PTPRM: variants seen among roughly 807,000 people sequenced by gnomAD.
The protein encoded by PTPRM is protein tyrosine phosphatase receptor type M, also known as receptor-type tyrosine-protein phosphatase mu.
A neutral mutation model predicts 186.7 loss-of-function variants in PTPRM; 47 were observed. The observed-to-expected ratio is 0.25, with a 90% CI of 0.20 to 0.32. PTPRM has a LOEUF of 0.32. Ranked by LOEUF, PTPRM falls within the 10% of genes least tolerant of loss-of-function variation. PTPRM has a pLI of 1.00. For synonymous variants in PTPRM, 668 were observed against 674.9 expected (o/e 0.99, Z 0.16); for missense variants, 1,494 against 1,865.0 (o/e 0.80, Z 3.66).
intron 14 of PTPRM, among the ~76,000 whole-genome samples, chr18:8,196,896 C>T (rs2093786214): frequency 6.6e-6 from 1 of 152,160 alleles, no homozygotes; most frequent in Non-Finnish European, 1.5e-5. Flanking sequence ...CTATCTGTAT[C>T]ATACCGTGGG....
chr18:8,297,700 G>A lies in PTPRM; in HGVS notation c.2842+1245G>A, dbSNP rs183602667. 5.1e-3 allele frequency among the ~76,000 whole-genome samples: 779 copies of A among 152,300 alleles called. 6 individuals are homozygous for A. The highest frequency in any genetic ancestry group is 0.018 in the African/African-American group (747 of 41,556). ...ACTACATAGGGCAGCACAGATTTCA[G>A]TGTGTTGTAGAAAAAGAAACTGGGG... On this transcript the variant is annotated intron_variant, in intron 20 of 32. Coordinates refer to ENST00000580170, the MANE Select transcript of PTPRM (RefSeq NM_001105244.2).
At chr18:8,395,886 T>C (rs2095843068) in intron 32 of PTPRM, among the ~76,000 whole-genome samples, 1 of 152,220 alleles carries the variant, frequency 6.6e-6, no homozygotes, top group Non-Finnish European at 1.5e-5. Flanking sequence ...TAGGTTTTAG[T>C]TTTGTAAACT....
At chr18:7,709,398 C>T (rs946901272) in intron 1 of PTPRM, among the ~76,000 whole-genome samples, 3 of 151,892 alleles carry the variant, frequency 2.0e-5, no homozygotes, top group African/African-American at 7.3e-5. Context: ...CTCTGGGATA[C>T]AGCAAAAGCG....
At chr18:7,929,714 G>A (rs1366342190) in intron 5 of PTPRM, among the ~76,000 whole-genome samples, 4 of 152,310 alleles carry the variant, frequency 2.6e-5, no homozygotes, top group Admixed American at 2.6e-4. Context: ...GTTTCCAGTA[G>A]TGATGAAGGT....
intron 2 of PTPRM, among the ~76,000 whole-genome samples, chr18:7,786,192 G>T (rs1194867196): frequency 2.0e-5 from 3 of 152,170 alleles, no homozygotes; most frequent in African/African-American, 7.2e-5. Context: ...GGTCGAAAGA[G>T]AAATAAATAT....
intron 2 of PTPRM, among the ~76,000 whole-genome samples, chr18:7,834,850 T>G (rs9955771): frequency 0.041 from 6,197 of 152,076 alleles, 383 homozygotes; most frequent in African/African-American, 0.13. Context: ...AGCTTTTATG[T>G]GTTTAGGGAT....
At chr18:7,683,242 T>C (rs2039520699) in intron 1 of PTPRM, among the ~76,000 whole-genome samples, 1 of 150,824 alleles carries the variant, frequency 6.6e-6, no homozygotes, top group Non-Finnish European at 1.5e-5. Flanking sequence ...CATGCCTTAC[T>C]GCAGCCTCGA....
At chr18:8,178,921 G>C (rs1386419503) in intron 14 of PTPRM, among the ~76,000 whole-genome samples, 1 of 152,144 alleles carries the variant, frequency 6.6e-6, no homozygotes, top group East Asian at 1.9e-4. Context: ...TGTATGAGTT[G>C]GGTACATTCC....
chr18:8,192,544 A>C (rs2093723019), intron 14 of PTPRM, among the ~76,000 whole-genome samples: 1 of 152,232 alleles, frequency 6.6e-6, no homozygotes, highest in Admixed American at 6.5e-5. Context: ...GAATATTGAC[A>C]GGAATTGATT....
At chr18:7,978,995 C>A (rs1268355108) in intron 7 of PTPRM, among the ~76,000 whole-genome samples, 2 of 152,114 alleles carry the variant, frequency 1.3e-5, no homozygotes, top group Non-Finnish European at 2.9e-5. Flanking sequence ...GAGCCATAGG[C>A]CCGTGGCAAA....
At chr18:8,181,225 G>A (rs527695132) in intron 14 of PTPRM, among the ~76,000 whole-genome samples, 2 of 151,770 alleles carry the variant, frequency 1.3e-5, no homozygotes, top group East Asian at 3.9e-4. Context: ...CGATCATCAA[G>A]GAGGAAAAAG....
At chr18:7,770,003 T>C (rs2042200181) in intron 1 of PTPRM, among the ~76,000 whole-genome samples, 2 of 152,158 alleles carry the variant, frequency 1.3e-5, no homozygotes, top group Non-Finnish European at 2.9e-5. Flanking sequence ...GATTTAGTCG[T>C]GATTCCCCCC....
At position 7,803,846 on chromosome 18, in the gene PTPRM, A is replaced by G. The variant is rs2044097317; in HGVS notation, c.196+29575A>G. On this transcript the variant is annotated intron_variant, in intron 2 of 32. Transcript: ENST00000580170. The stretch of plus-strand genomic sequence containing the variant: ...TGCCTACTTCACTGACTATAAATTG[A>G]AGCTAATTAACTTAGAATTATCGGA... Among the ~76,000 whole-genome samples the G allele has an allele frequency of 1.3e-5, 2 of 152,192 alleles. 1 individual carries two copies. The highest frequency in any genetic ancestry group is 4.1e-4 in the South Asian group (2 of 4,828).
intron 2 of PTPRM, among the ~76,000 whole-genome samples, chr18:7,851,887 C>T (rs1396169706): frequency 6.6e-6 from 1 of 152,064 alleles, no homozygotes; most frequent in Non-Finnish European, 1.5e-5. Flanking sequence ...AGCTTGTTAA[C>T]TCAAGAAAAA....
chr18:8,151,921 C>A (rs986926162), intron 14 of PTPRM, among the ~76,000 whole-genome samples: 9 of 152,210 alleles, frequency 5.9e-5, no homozygotes, highest in Non-Finnish European at 1.2e-4. Context: ...AATTCCCCGA[C>A]CCCTTGCACT....
At chr18:8,046,960 G>A (rs2087107002) in intron 7 of PTPRM, among the ~76,000 whole-genome samples, 1 of 152,158 alleles carries the variant, frequency 6.6e-6, no homozygotes. Context: ...TAATAAGCGA[G>A]AAGGTGTCTA....
chr18:8,250,088 T>C (rs1290151301), intron 17 of PTPRM, among the ~76,000 whole-genome samples: 1 of 152,160 alleles, frequency 6.6e-6, no homozygotes, highest in Non-Finnish European at 1.5e-5. Context: ...CAACAAGAAA[T>C]GTCTTGCTGT....
intron 2 of PTPRM, among the ~76,000 whole-genome samples, chr18:7,801,859 A>G (rs1338016783): frequency 1.3e-5 from 2 of 152,142 alleles, no homozygotes; most frequent in African/African-American, 4.8e-5. Flanking sequence ...GCATGATTGT[A>G]TATTTGTGCT....
intron 1 of PTPRM, among the ~76,000 whole-genome samples, chr18:7,746,024 A>G (rs2040977857): frequency 6.6e-6 from 1 of 152,186 alleles, no homozygotes. Context: ...ATAACCTAAT[A>G]TGGAAATGGA....
Sources: gnomAD v4.1 joint callset for allele counts (sites outside exome capture counted in the v4.1 genomes callset) on GRCh38, gnomAD v4.1.1 for gene constraint, MANE v1.5 for transcripts, NCBI Gene and HGNC (gene_info 2026-07-23, HGNC 2026-07-21) for gene names.